Variants in HP1BP3 observed in about 807,000 individuals in gnomAD.
HP1BP3 encodes the protein heterochromatin protein 1-binding protein 3.
HP1BP3 carries 12 observed loss-of-function variants against 62.5 expected under a neutral mutation model. That is an observed-to-expected ratio of 0.19 (90% confidence interval 0.12 to 0.31). The LOEUF is 0.31. Ranked by LOEUF, HP1BP3 falls within the 10% of genes least tolerant of loss-of-function variation. The pLI is 1.00. For synonymous variants in HP1BP3, 260 were observed against 237.8 expected (o/e 1.09, Z -0.86); for missense variants, 502 against 651.8 (o/e 0.77, Z 2.50).
intron 3 of HP1BP3, among the ~76,000 whole-genome samples, chr1:20,777,120 T>C (rs2057337189): frequency 6.6e-6 from 1 of 152,090 alleles, no homozygotes. Flanking sequence ...AAAACTCATG[T>C]ATTCTCCAAG....
intron 9 of HP1BP3, among the ~76,000 whole-genome samples, 175 bp downstream of exon 9, chr1:20,756,991 T>G (rs943355672): frequency 6.6e-6 from 1 of 152,208 alleles, no homozygotes; most frequent in Non-Finnish European, 1.5e-5. Flanking sequence ...ATTACAGGTG[T>G]GAGCCACCGC....
intron 1 of HP1BP3, among the ~76,000 whole-genome samples, chr1:20,783,663 G>A (rs970186005): frequency 6.7e-6 from 1 of 149,272 alleles, no homozygotes; most frequent in Admixed American, 6.7e-5. Flanking sequence ...CCAGCTACTC[G>A]GGAGGCTCAG....
chr1:20,780,267 T>C (rs2057484589), intron 2 of HP1BP3, 78 bp downstream of exon 2: 6 of 999,498 alleles, frequency 6.0e-6, no homozygotes, highest in African/African-American at 1.6e-5. Flanking sequence ...GGAAGGAACA[T>C]GTACCAAGAA....
chr1:20,749,960 A>G, intron 9 of HP1BP3, 78 bp from the exon 10 acceptor site: 1 of 1,538,258 alleles, frequency 6.5e-7, no homozygotes, highest in Non-Finnish European at 8.7e-7. Context: ...CCTCTGCACC[A>G]GGTGGGTCGG....
chr1:20,778,099 T>A (rs1479634816), intron 3 of HP1BP3, among the ~76,000 whole-genome samples: 1 of 152,256 alleles, frequency 6.6e-6, no homozygotes. Flanking sequence ...CTTTGTCTTA[T>A]TCTAAAAAAG....
chr1:20,757,538 A>C (rs1290619209), intron 8 of HP1BP3, among the ~76,000 whole-genome samples: 3 of 151,722 alleles, frequency 2.0e-5, no homozygotes, highest in African/African-American at 7.3e-5. Context: ...CACCCGGCTA[A>C]TTTTGCATTT....
intron 4 of HP1BP3, chr1:20,775,065 T>A (rs1269572840): frequency 6.6e-6 from 1 of 152,040 alleles, no homozygotes; most frequent in Non-Finnish European, 1.5e-5. Context: ...GTTTATGTGT[T>A]TACTATACTA....
intron 10 of HP1BP3, among the ~76,000 whole-genome samples, chr1:20,747,871 T>C (rs529544154): frequency 2.0e-4 from 31 of 152,288 alleles, no homozygotes; most frequent in Middle Eastern, 3.4e-3. Context: ...TACATACATA[T>C]ATCTATATTT....
intron 1 of HP1BP3, among the ~76,000 whole-genome samples, chr1:20,781,245 C>T (rs2057531192): frequency 6.6e-6 from 1 of 152,030 alleles, no homozygotes; most frequent in Admixed American, 6.6e-5. Context: ...GACTCAATGA[C>T]ATTTTATACA....
Position 20,749,729 on chromosome 1 carries a change from A to G in HP1BP3, c.1135T>C (p.Tyr379His). Residue 379 changes from tyrosine to histidine, a missense_variant, in exon 10 of 13, where the codon TAT (tyrosine) becomes CAT (histidine). Tyr to His is a moderately conservative substitution (Grantham distance 83). Around this residue, in one of 5 missense-constraint regions of HP1BP3, gnomAD observed 194 missense variants for 207.0 expected, o/e 0.94. Transcript: ENST00000438032. ...ATACACAACCGAGTCTTACTTTGAT[A>G]GTTAGAATTGGTTCCTGGGTGATTC... ...LENHPGTNSN[Y>H]QMHLLKKTLQ... 1 of 1,608,532 alleles carries G rather than the reference A, an allele frequency of 6.2e-7. No individual in the cohort carries two copies. Among genetic ancestry groups the G allele is most frequent in the Non-Finnish European group, 8.5e-7 (1 of 1,178,154 alleles).
At chr1:20,751,725 AAAAT>A (rs917493545) in intron 9 of HP1BP3, among the ~76,000 whole-genome samples, 20 of 151,658 alleles carry the variant, frequency 1.3e-4, no homozygotes, top group Admixed American at 9.8e-4. Context: ...TCTGTCTCTA[AAAAT>A]AAATAATAAA....
rs1291507421 is a variant in HP1BP3 at position 20,773,540 on chromosome 1, C to A, written c.421G>T (p.Ala141Ser). The A allele has an allele frequency of 6.2e-6, 10 of 1,611,336 alleles. No homozygotes were observed. Among genetic ancestry groups the A allele is most frequent in the Non-Finnish European group, 8.5e-6 (10 of 1,178,412 alleles). ...TTCTGGGCCCTGGCTAGCTGGCTGGCAGAAAGGGTAGCCCAGGAAGGAATT... is the reference window on the plus strand; with the variant it reads ...TTCTGGGCCCTGGCTAGCTGGCTGGAAGAAAGGGTAGCCCAGGAAGGAATT... ...KTIPSWATLS[A>S]SQLARAQKQT... The change falls in exon 5 of 13, where the codon GCC becomes TCC. Residue 141 changes from alanine to serine, a missense_variant. Ala to Ser is a moderately conservative substitution (Grantham distance 99). Coordinates refer to ENST00000438032, the MANE Select transcript of HP1BP3 (RefSeq NM_001372052.1).
intron 6 of HP1BP3, 115 bp downstream of exon 6, chr1:20,770,815 A>G (rs1243659258): frequency 5.2e-6 from 4 of 768,694 alleles, no homozygotes; most frequent in Non-Finnish European, 7.8e-6. Flanking sequence ...AAGGAATTTC[A>G]TCATCATGAA....
In HP1BP3 at chr1:20,787,238, C is replaced by G. The variant is rs1180012223; in HGVS notation, c.-144G>C. ...CTGGCGCCCGCGTCCCGCACGGCCT[C>G]TCGGCGCCGCTCCCGCCGCCGCTAG... On this transcript the variant is annotated 5_prime_UTR_variant, in exon 1 of 13. Transcript: ENST00000438032. The G allele has an allele frequency of 6.6e-6, 1 of 152,160 alleles. No homozygotes were observed. Among genetic ancestry groups the G allele is most frequent in the African/African-American group, 2.4e-5 (1 of 41,316 alleles). 9.4% of individuals were successfully genotyped at this position (152,160 alleles called of 1,614,324 possible). A position where few individuals can be genotyped will look rare whatever the true frequency, so the allele number is the denominator to read the frequency against.
chr1:20,764,789 C>G (rs958942019), intron 8 of HP1BP3, among the ~76,000 whole-genome samples: 1 of 151,182 alleles, frequency 6.6e-6, no homozygotes, highest in Non-Finnish European at 1.5e-5. Context: ...GCAGGAAAAT[C>G]GCTTGAACCC....
intron 5 of HP1BP3, 52 bp from the exon 6 acceptor site, chr1:20,771,125 CAT>C (rs34889347): frequency 0.024 from 32,477 of 1,369,672 alleles, 558 homozygotes; most frequent in Non-Finnish European, 0.026. Flanking sequence ...TAGAGCCTGA[CAT>C]ATATTTTCAA....
intron 11 of HP1BP3, among the ~76,000 whole-genome samples, chr1:20,746,201 T>C (rs2055319506): frequency 2.0e-5 from 3 of 150,076 alleles, no homozygotes; most frequent in Admixed American, 2.0e-4. Flanking sequence ...TGTGTGTGTG[T>C]GTGTGTGTGT....
intron 7 of HP1BP3, among the ~76,000 whole-genome samples, chr1:20,766,597 A>C (rs2056795764): frequency 6.6e-6 from 1 of 152,230 alleles, no homozygotes; most frequent in South Asian, 2.1e-4. Flanking sequence ...AAAAACAGGA[A>C]GAAAAATTGG....
rs1570553014 is a variant in HP1BP3 at position 20,749,724 on chromosome 1, T to C, written c.1140A>G (p.Gln380=). The change falls in exon 10 of 13, where the codon CAA becomes CAG. Residue 380 remains glutamine (Q), a splice_region_variant and synonymous_variant. Coordinates refer to ENST00000438032, the MANE Select transcript of HP1BP3 (RefSeq NM_001372052.1). ...ENHPGTNSNY[Q]MHLLKKTLQK... is the part of the protein sequence containing the mutation. ...TAAATATACACAACCGAGTCTTACT[T>C]TGATAGTTAGAATTGGTTCCTGGGT... The C allele has an allele frequency of 1.2e-6, 2 of 1,607,996 alleles. No homozygotes were observed. Among genetic ancestry groups the C allele is most frequent in the East Asian group, 2.2e-5 (1 of 44,822 alleles).
Sources: gnomAD v4.1 joint callset for allele counts (sites outside exome capture counted in the v4.1 genomes callset) on GRCh38, gnomAD v4.1.1 for gene constraint, gnomAD v4.1.1 regional missense constraint, MANE v1.5 for transcripts, NCBI Gene and HGNC (gene_info 2026-07-23, HGNC 2026-07-21) for gene names.